The following QTMAN variants were observed in gnomAD, a reference collection of about 807,000 sequenced individuals.
QTMAN encodes queuosine-tRNA mannosyltransferase.
the QTMAN span, chr2:143,940,429 G>A: frequency 6.6e-6 from 1 of 152,150 alleles, no homozygotes; most frequent in African/African-American, 2.4e-5. Flanking sequence ...AGGAAATATC[G>A]AAAGATAATA....
chr2:144,308,323 C>T, the QTMAN span, among the ~76,000 whole-genome samples: 2 of 151,940 alleles, frequency 1.3e-5, no homozygotes, highest in Non-Finnish European at 2.9e-5. Flanking sequence ...CCCGCCACCA[C>T]AGCAGGCTAA....
At chr2:144,155,669 A>G in the QTMAN span, among the ~76,000 whole-genome samples, 1 of 152,142 alleles carries the variant, frequency 6.6e-6, no homozygotes, top group African/African-American at 2.4e-5. Flanking sequence ...GTCTAAAATT[A>G]TACACATTTA....
At chr2:144,029,717 T>G in the QTMAN span, among the ~76,000 whole-genome samples, 13 of 152,162 alleles carry the variant, frequency 8.5e-5, no homozygotes, top group African/African-American at 2.9e-4. Flanking sequence ...GTATCAAAAT[T>G]TTCATTCTTA....
chr2:144,232,116 G>C, the QTMAN span, among the ~76,000 whole-genome samples: 14 of 152,106 alleles, frequency 9.2e-5, no homozygotes, highest in East Asian at 2.7e-3. Flanking sequence ...AAGCCACTTT[G>C]CAAGTTTAAA....
At chr2:144,085,037 G>A in the QTMAN span, among the ~76,000 whole-genome samples, 8 of 152,254 alleles carry the variant, frequency 5.3e-5, no homozygotes, top group Admixed American at 3.3e-4. Flanking sequence ...ACATTTGACC[G>A]CTCTTTGAGT....
At chr2:143,939,920 G>C in the QTMAN span, 1 of 151,740 alleles carries the variant, frequency 6.6e-6, no homozygotes, top group Non-Finnish European at 1.5e-5. Flanking sequence ...ACTTTTCTTT[G>C]ACCATGTTTG....
At chr2:144,096,923 A>C in the QTMAN span, among the ~76,000 whole-genome samples, 1 of 152,378 alleles carries the variant, frequency 6.6e-6, no homozygotes, top group African/African-American at 2.4e-5. Context: ...TGCAGAGAAT[A>C]GTAAGTTTCT....
the QTMAN span, among the ~76,000 whole-genome samples, chr2:143,958,803 T>TA: frequency 2.8e-4 from 41 of 146,138 alleles, no homozygotes; most frequent in Admixed American, 4.8e-4. Context: ...TTTTTTTTTT[T>TA]ACGTTTCCAC....
the QTMAN span, among the ~76,000 whole-genome samples, chr2:144,152,871 T>G: frequency 6.6e-6 from 1 of 152,220 alleles, no homozygotes; most frequent in Admixed American, 6.5e-5. Flanking sequence ...GATAAGTAAC[T>G]GCTCTCTCCT....
the QTMAN span, among the ~76,000 whole-genome samples, chr2:144,084,326 A>C: frequency 6.6e-6 from 1 of 152,296 alleles, no homozygotes; most frequent in East Asian, 1.9e-4. Flanking sequence ...ACTATTTTTC[A>C]TCTGAGTTTC....
At chr2:144,242,086 G>A in the QTMAN span, among the ~76,000 whole-genome samples, 4 of 152,130 alleles carry the variant, frequency 2.6e-5, no homozygotes, top group South Asian at 8.3e-4. Flanking sequence ...CAGCACAGGA[G>A]GAGAAAAAAC....
At chr2:144,274,615 A>G in the QTMAN span, among the ~76,000 whole-genome samples, 1 of 152,240 alleles carries the variant, frequency 6.6e-6, no homozygotes, top group Non-Finnish European at 1.5e-5. Context: ...TGCTGAATGC[A>G]TAGAGGTACT....
At chr2:144,215,910 T>C in the QTMAN span, among the ~76,000 whole-genome samples, 4 of 152,122 alleles carry the variant, frequency 2.6e-5, no homozygotes, top group African/African-American at 9.7e-5. Context: ...GACCATAAAA[T>C]GACATGCTCA....
At chr2:144,091,971 T>TA in the QTMAN span, among the ~76,000 whole-genome samples, 9 of 151,986 alleles carry the variant, frequency 5.9e-5, no homozygotes, top group African/African-American at 1.7e-4. Context: ...AAGTTATATA[T>TA]AAAAAAAACT....
the QTMAN span, among the ~76,000 whole-genome samples, chr2:144,166,294 G>A: frequency 6.6e-6 from 1 of 152,130 alleles, no homozygotes; most frequent in Admixed American, 6.5e-5. Flanking sequence ...CATCATTTAA[G>A]AATCGGTTGT....
At chr2:143,979,922 C>T in the QTMAN span, among the ~76,000 whole-genome samples, 1 of 152,144 alleles carries the variant, frequency 6.6e-6, no homozygotes, top group East Asian at 1.9e-4. Context: ...TATAGCCATT[C>T]CAAATCTCTT....
the QTMAN span, among the ~76,000 whole-genome samples, chr2:144,215,271 T>TACAC: frequency 6.7e-6 from 1 of 148,396 alleles, no homozygotes; most frequent in African/African-American, 2.5e-5. Context: ...AATATATATA[T>TACAC]ATACACACAC....
the QTMAN span, among the ~76,000 whole-genome samples, chr2:144,114,818 T>C: frequency 5.9e-5 from 9 of 152,182 alleles, no homozygotes; most frequent in Admixed American, 2.0e-4. Context: ...AACTAGAAGA[T>C]AGGTTAATAA....
At chr2:144,270,793 G>A in the QTMAN span, among the ~76,000 whole-genome samples, 1 of 152,060 alleles carries the variant, frequency 6.6e-6, no homozygotes, top group East Asian at 1.9e-4. Flanking sequence ...TGCACGTTCT[G>A]CCCATGTATC....
Sources: gnomAD v4.1 joint callset for allele counts (sites outside exome capture counted in the v4.1 genomes callset) on GRCh38, gnomAD v4.1.1 for gene constraint, MANE v1.5 for transcripts, NCBI Gene and HGNC (gene_info 2026-07-23, HGNC 2026-07-21) for gene names.